The following DNAH3 variants were observed in gnomAD, a reference collection of about 807,000 sequenced individuals.
The protein encoded by DNAH3 is axonemal beta dynein heavy chain 3.
DNAH3 carries 332 observed loss-of-function variants against 432.5 expected under a neutral mutation model. The ratio of observed to expected loss-of-function variants is 0.77; its 90% CI spans 0.70 to 0.84. The LOEUF (loss-of-function observed/expected upper bound fraction) is 0.84, where lower values mean the gene tolerates loss of function less well. Among genes scored for constraint, DNAH3 ranks in the 40% least tolerant of loss-of-function variants. The probability of loss-of-function intolerance (pLI) is 0.00; values close to 1 mark genes in which losing one functional copy is unlikely to be tolerated. For missense variants in DNAH3, 4,861 were observed against 5,114.0 expected (o/e 0.95, Z 1.51); for synonymous variants, 1,956 against 1,900.2 (o/e 1.03, Z -0.76).
exon 53 of DNAH3, chr16:20,963,562 T>C: frequency 6.2e-7 from 1 of 1,614,054 alleles, no homozygotes; most frequent in Admixed American, 1.7e-5. Flanking sequence ...ACCCAGGTTC[T>C]GTTCCAAATG....
At chr16:20,944,400 C>T in intron 58 of DNAH3, 96 bp downstream of exon 58, 1 of 1,454,246 alleles carries the variant, frequency 6.9e-7, no homozygotes, top group Non-Finnish European at 9.5e-7. Context: ...CAGGCCCCCA[C>T]TCTCTGCCTC....
intron 50 of DNAH3, among the ~76,000 whole-genome samples, chr16:20,975,767 CAG>C (rs1343328186): frequency 3.3e-5 from 5 of 151,990 alleles, no homozygotes; most frequent in South Asian, 2.1e-4. Context: ...TTTTTTTTGA[CAG>C]AGTCTCACTC....
chr16:20,938,218 C>A (rs913654744), intron 59 of DNAH3, among the ~76,000 whole-genome samples: 1 of 151,948 alleles, frequency 6.6e-6, no homozygotes, highest in Admixed American at 6.6e-5. Flanking sequence ...ATGGTTAAAC[C>A]CCGTCTGTAC....
At chr16:20,997,565 G>T in intron 43 of DNAH3, 103 bp from the exon 44 acceptor site, 3 of 1,343,158 alleles carry the variant, frequency 2.2e-6, no homozygotes, top group Non-Finnish European at 3.1e-6. Flanking sequence ...TCTGTTCCCA[G>T]GTTTCCATTC....
chr16:21,111,970 A>C lies in DNAH3; in HGVS notation c.1920+23T>G. The C allele has an allele frequency of 1.9e-6, 3 of 1,599,050 alleles. No homozygotes were observed. In the South Asian group the frequency reaches 3.3e-5, roughly 18 times the overall value. On this transcript the variant is annotated intron_variant, in intron 13 of 61. Transcript: ENST00000261383. ...CTGCAGCACATGTCACCAAGGTATA[A>C]AATCTCAAGTGGCATTTCCTACCGT... is the stretch of plus-strand genomic sequence containing the variant.
At chr16:20,982,133 C>T (rs2085939097) in intron 49 of DNAH3, among the ~76,000 whole-genome samples, 1 of 151,790 alleles carries the variant, frequency 6.6e-6, no homozygotes, top group Non-Finnish European at 1.5e-5. Flanking sequence ...CCTGTATTCC[C>T]AGCACTTTGG....
chr16:21,014,149 C>T (rs2087749513), intron 41 of DNAH3, among the ~76,000 whole-genome samples: 1 of 152,142 alleles, frequency 6.6e-6, no homozygotes, highest in Admixed American at 6.5e-5. Context: ...AAATTACAGA[C>T]CAGTATCTCT....
intron 44 of DNAH3, among the ~76,000 whole-genome samples, chr16:20,989,051 G>A (rs978581718): frequency 6.6e-6 from 1 of 152,184 alleles, no homozygotes; most frequent in African/African-American, 2.4e-5. Flanking sequence ...GCACCAGTAA[G>A]ATTTACTGCA....
chr16:21,097,952 A>G (rs1446436096), intron 17 of DNAH3, among the ~76,000 whole-genome samples: 2 of 152,216 alleles, frequency 1.3e-5, no homozygotes, highest in Admixed American at 6.5e-5. Flanking sequence ...AGTGAGGATA[A>G]TAACAGTACC....
At chr16:21,093,740 C>A (rs1315557979) in intron 18 of DNAH3, among the ~76,000 whole-genome samples, 3 of 152,058 alleles carry the variant, frequency 2.0e-5, no homozygotes, top group African/African-American at 7.2e-5. Context: ...TATAGATTGG[C>A]AGAACAGAAT....
At chr16:21,054,616 C>T in intron 27 of DNAH3, 82 bp from the exon 28 acceptor site, 1 of 1,062,852 alleles carries the variant, frequency 9.4e-7, no homozygotes, top group South Asian at 1.4e-5. Context: ...GTACCATGGA[C>T]CACCGGATGG....
intron 15 of DNAH3, among the ~76,000 whole-genome samples, chr16:21,105,486 C>T (rs1348626127): frequency 6.6e-6 from 1 of 152,190 alleles, no homozygotes; most frequent in Non-Finnish European, 1.5e-5. Context: ...AGATGGGCGG[C>T]CAGGGGCTGT....
chr16:20,968,233 G>A lies in DNAH3; in HGVS notation c.8458+1559C>T, dbSNP rs146820763. 2.8e-3 allele frequency among the ~76,000 whole-genome samples: 419 copies of A among 152,144 alleles called. 3 individuals carry two copies. The highest frequency in any genetic ancestry group is 9.4e-3 in the African/African-American group (390 of 41,514). On this transcript the variant is annotated intron_variant, in intron 52 of 61. Coordinates refer to ENST00000261383, the Ensembl canonical transcript of DNAH3. ...ACAGACATGCGCCAGCATGCCTGGCGAAATTTTGCATTTTTTGTAGAGATG... is the reference window on the plus strand; with the variant it reads ...ACAGACATGCGCCAGCATGCCTGGCAAAATTTTGCATTTTTTGTAGAGATG...
At chr16:20,950,630 C>T (rs1332471453) in intron 56 of DNAH3, among the ~76,000 whole-genome samples, 2 of 152,162 alleles carry the variant, frequency 1.3e-5, no homozygotes, top group African/African-American at 4.8e-5. Flanking sequence ...GGAAGGGATT[C>T]TAACAAACTC....
chr16:21,002,581 C>G (rs1208205174), intron 42 of DNAH3, among the ~76,000 whole-genome samples: 1 of 152,052 alleles, frequency 6.6e-6, no homozygotes, highest in African/African-American at 2.4e-5. Context: ...CCTGCCTCAG[C>G]CTCCCAAGTA....
At position 20,979,372 on chromosome 16, in the gene DNAH3, GCGGTTCCT is replaced by G. The variant is rs1339443953; in HGVS notation, c.8026_8033del (p.Arg2676LeufsTer44). ...CGAGTTTCTGCAAGCCTGTCAGGTA[GCGGTTCCT>G]CATCATAGCCACCTCTTGCCTCTTG... On this transcript the variant is annotated frameshift_variant, in exon 50 of 62. Transcript: ENST00000261383. LOFTEE classifies it high-confidence loss of function. 1 of 1,614,042 alleles carries G rather than the reference GCGGTTCCT, an allele frequency of 6.2e-7. No homozygotes were observed. Among genetic ancestry groups the G allele is most frequent in the African/African-American group, 1.3e-5 (1 of 74,920 alleles).
intron 12 of DNAH3, among the ~76,000 whole-genome samples, chr16:21,115,746 A>AAAAAT (rs1000829648): frequency 1.1e-4 from 17 of 149,610 alleles, no homozygotes; most frequent in Non-Finnish European, 1.5e-4. Flanking sequence ...AAAATAAAAT[A>AAAAAT]AAAATAAAAT....
At position 20,990,796 on chromosome 16, in the gene DNAH3, C is replaced by A. The variant is rs889802512; in HGVS notation, c.6602-2731G>T. On this transcript the variant is annotated intron_variant, in intron 44 of 61. Transcript: ENST00000261383. ...CAGCACTTTGGGAGGCCGAGGCGTG[C>A]AGATCACGAGGTCAAGAGATCGAGA... Among the ~76,000 whole-genome samples the A allele has an allele frequency of 3.9e-5, 6 of 152,084 alleles. No homozygotes were observed. In the East Asian group the frequency reaches 9.7e-4, roughly 24 times the overall value.
chr16:21,144,090 T>C (rs1328432327), intron 3 of DNAH3, among the ~76,000 whole-genome samples: 1 of 152,150 alleles, frequency 6.6e-6, no homozygotes, highest in Non-Finnish European at 1.5e-5. Context: ...CTTATGCCAA[T>C]ATACCTATGC....
Sources: allele counts gnomAD v4.1 joint callset (sites outside exome capture counted in the v4.1 genomes callset), GRCh38; gene constraint gnomAD v4.1.1; transcripts MANE v1.5; gene names NCBI Gene and HGNC (gene_info 2026-07-23, HGNC 2026-07-21).